PTCHD1: variants seen among roughly 807,000 people sequenced by gnomAD.
The protein encoded by PTCHD1 is patched domain-containing protein 1.
A neutral mutation model predicts 34.6 loss-of-function variants in PTCHD1; 3 were observed. The ratio of observed to expected loss-of-function variants is 0.09; its 90% CI spans 0.04 to 0.22. PTCHD1 has a LOEUF of 0.22. PTCHD1 is among the 10% of genes least tolerant of loss of function. PTCHD1 has a pLI of 1.00. For synonymous variants in PTCHD1, 305 were observed against 283.1 expected, an observed-to-expected ratio of 1.08 and a Z score of -0.77; for missense variants, 504 against 685.5, an observed-to-expected ratio of 0.74 and a Z score of 2.96.
At chrX:23,374,504 G>A (rs1480104215) in intron 1 of PTCHD1, among the ~76,000 whole-genome samples, 1 of 110,349 alleles carries the variant, frequency 9.1e-6, no homozygotes, top group African/African-American at 3.3e-5. Context: ...GGCCTGTCGT[G>A]ACCAAGCAGC....
chrX:23,355,903 A>G (rs1921789255), intron 1 of PTCHD1, among the ~76,000 whole-genome samples: 1 of 112,606 alleles, frequency 8.9e-6, no homozygotes, highest in Non-Finnish European at 1.9e-5. Flanking sequence ...AAGCGTTGCT[A>G]TACTTTCTGG....
At position 23,392,971 on chromosome X, in the gene PTCHD1, T is replaced by G. The variant is rs756610499; in HGVS notation, c.1453T>G (p.Cys485Gly). The change falls in exon 3 of 3, where the codon TGT becomes GGT. Residue 485 changes from cysteine (C) to glycine (G), a missense_variant. Coordinates refer to ENST00000379361, the MANE Select transcript of PTCHD1 (RefSeq NM_173495.3). ...CACTTACGAGAGTCACCTATTGGTA[T>G]GTTTCCTCAAACGCTATTACTGTGA... ...ANTYESHLLV[C>G]FLKRYYCDWI... The G allele has an allele frequency of 4.1e-6, 5 of 1,210,661 alleles. No homozygotes were observed. In the Admixed American group the frequency reaches 8.7e-5, roughly 21 times the overall value.
intron 1 of PTCHD1, among the ~76,000 whole-genome samples, chrX:23,342,108 A>G (rs1921325357): frequency 9.3e-6 from 1 of 107,876 alleles, no homozygotes; most frequent in Non-Finnish European, 1.9e-5. Flanking sequence ...GCTCAGTCTC[A>G]CTAGGGAACT....
In PTCHD1 at chrX:23,364,012, CA is replaced by C. The variant is rs1452583964; in HGVS notation, c.352-15578del. On this transcript the variant is annotated intron_variant, in intron 1 of 2. Transcript: ENST00000379361. ...TATTTTCACACAATGGACTACTACA[CA>C]GCAAAAATAAATAAAAATAACAGTA... Among the ~76,000 whole-genome samples the C allele has an allele frequency of 2.7e-5, 3 of 112,259 alleles. No individual in the cohort carries two copies. In the East Asian group the frequency reaches 8.4e-4, roughly 31 times the overall value.
chrX:23,392,503 C>A, intron 2 of PTCHD1, 28 bp from the exon 3 acceptor site: 1 of 992,046 alleles, frequency 1.0e-6, no homozygotes, highest in Non-Finnish European at 1.4e-6. Flanking sequence ...CTTTAAACTT[C>A]TGCTCTGGTC....
intron 1 of PTCHD1, among the ~76,000 whole-genome samples, chrX:23,369,266 G>A (rs921564583): frequency 6.3e-5 from 7 of 111,168 alleles, no homozygotes; most frequent in Admixed American, 1.9e-4. Flanking sequence ...AGTACTGGTC[G>A]GAGTTTTGTT....
intron 1 of PTCHD1, among the ~76,000 whole-genome samples, chrX:23,355,100 C>T (rs747430645): frequency 9.0e-5 from 10 of 110,694 alleles, no homozygotes; most frequent in Non-Finnish European, 1.9e-4. Flanking sequence ...TCCTACTCCC[C>T]GCCTACTGGG....
intron 1 of PTCHD1, among the ~76,000 whole-genome samples, chrX:23,355,984 A>G (rs758045141): frequency 2.6e-3 from 293 of 112,245 alleles, no homozygotes; most frequent in African/African-American, 8.6e-3. Flanking sequence ...ACTTATTTTA[A>G]CAATGATCCT....
At chrX:23,387,804 A>G (rs1339793466) in intron 2 of PTCHD1, among the ~76,000 whole-genome samples, 1 of 112,282 alleles carries the variant, frequency 8.9e-6, no homozygotes, top group Non-Finnish European at 1.9e-5. Context: ...TATGCATGTA[A>G]CAATACAGAC....
Position 23,343,454 on chromosome X carries a change from A to C in PTCHD1, c.351+8228A>C, listed in dbSNP as rs185576068. ...AAGTCCCCACACTACACATTCCCTT[A>C]TTTACTTAAAGAAAAGTCTCAAAAC... On this transcript the variant is annotated intron_variant, in intron 1 of 2. Coordinates refer to ENST00000379361, the MANE Select transcript of PTCHD1 (RefSeq NM_173495.3). Among the ~76,000 whole-genome samples, 3 of 111,785 alleles carry C rather than the reference A, an allele frequency of 2.7e-5. No individual in the cohort carries two copies. In the East Asian group the frequency reaches 8.4e-4, roughly 31 times the overall value.
rs763499572 is a variant in PTCHD1, at chrX:23,394,161, G to A, written c.2643G>A (p.Val881=). The part of the protein sequence containing the change: ...VEMVDIDSTR[V]VDQITTV The stretch of plus-strand genomic sequence containing the variant: ...TGGTAGATATCGATAGTACCCGTGT[G>A]GTTGACCAAATTACAACAGTGTGAT... Residue 881 remains valine (V), a synonymous_variant, in exon 3 of 3, where the codon GTG becomes GTA. Coordinates refer to ENST00000379361, the MANE Select transcript of PTCHD1 (RefSeq NM_173495.3). The A allele has an allele frequency of 8.3e-7, 1 of 1,201,096 alleles. No homozygotes were observed. Among genetic ancestry groups the A allele is most frequent in the Non-Finnish European group, 1.1e-6 (1 of 888,979 alleles).
At position 23,399,550 on chromosome X, in the gene PTCHD1, C is replaced by T. The variant is rs999084430; in HGVS notation, c.*5365C>T. ...TGTGATCCTGGTGTCCTCATTTTGG[C>T]TAATGAGCAATCAAGAACTTTTGAA... On this transcript the variant is annotated 3_prime_UTR_variant, in exon 3 of 3. Transcript: ENST00000379361. 8 of 112,059 alleles carry T rather than the reference C, an allele frequency of 7.1e-5. No individual in the cohort carries two copies. Among genetic ancestry groups the T allele is most frequent in the Non-Finnish European group, 1.5e-4 (8 of 53,212 alleles). The allele number at this position is 112,059 out of a possible 1,213,427, so 9.2% of individuals were successfully genotyped here. A position where few individuals can be genotyped will look rare whatever the true frequency, so the allele number is the denominator to read the frequency against.
At chrX:23,380,635 A>C (rs1922538150) in intron 2 of PTCHD1, among the ~76,000 whole-genome samples, 2 of 111,475 alleles carry the variant, frequency 1.8e-5, no homozygotes, top group African/African-American at 6.5e-5. Context: ...GGAGTGAGGA[A>C]GTGGAAGTTG....
In PTCHD1 at chrX:23,392,968, G is replaced by A. The variant is rs748727563; in HGVS notation, c.1450G>A (p.Val484Ile). ...EANTYESHLL[V>I]CFLKRYYCDW... ...GAACACTTACGAGAGTCACCTATTG[G>A]TATGTTTCCTCAAACGCTATTACTG... The change falls in exon 3 of 3, where the codon GTA (valine) becomes ATA (isoleucine). Residue 484 changes from valine to isoleucine, a missense_variant. Transcript: ENST00000379361. The A allele has an allele frequency of 8.3e-7, 1 of 1,211,854 alleles. No individual in the cohort carries two copies. Among genetic ancestry groups the A allele is most frequent in the East Asian group, 3.0e-5 (1 of 33,868 alleles).
At chrX:23,365,991 A>C (rs1415449443) in intron 1 of PTCHD1, among the ~76,000 whole-genome samples, 1 of 112,486 alleles carries the variant, frequency 8.9e-6, no homozygotes, top group Admixed American at 9.4e-5. Context: ...CAGTTGATAG[A>C]TGGCACATTA....
intron 2 of PTCHD1, among the ~76,000 whole-genome samples, chrX:23,391,326 T>C (rs1922823292): frequency 9.0e-6 from 1 of 111,083 alleles, no homozygotes. Context: ...TGACGTATTA[T>C]ATCACTGCTT....
At position 23,364,371 on chromosome X, in the gene PTCHD1, GACACACACAC is replaced by G. The variant is rs200572986; in HGVS notation, c.352-15185_352-15176del. 2.3e-3 allele frequency among the ~76,000 whole-genome samples: 208 copies of G among 91,996 alleles called. 1 individual carries two copies. Among genetic ancestry groups the G allele is most frequent in the African/African-American group, 6.3e-3 (153 of 24,427 alleles). The allele number at this position is 91,996 out of a possible 115,157, so 79.9% of individuals were successfully genotyped here. ...TCATACCTTAATTATGAAGAGTGTA[GACACACACAC>G]ACACACACACACACACACACACACA... On this transcript the variant is annotated intron_variant, in intron 1 of 2. Coordinates refer to ENST00000379361, the MANE Select transcript of PTCHD1 (RefSeq NM_173495.3).
chrX:23,358,753 T>C (rs1373097513), intron 1 of PTCHD1, among the ~76,000 whole-genome samples: 2 of 112,266 alleles, frequency 1.8e-5, no homozygotes, highest in Non-Finnish European at 3.8e-5. Flanking sequence ...ATTACCTAAG[T>C]TTTCTTCAAG....
intron 1 of PTCHD1, among the ~76,000 whole-genome samples, chrX:23,349,216 G>GT (rs746013055): frequency 1.7e-3 from 184 of 109,869 alleles, no homozygotes; most frequent in Non-Finnish European, 2.8e-3. Flanking sequence ...AAAAGAGGAG[G>GT]TAAAAAAAAC....
Sources: gnomAD v4.1 joint callset for allele counts (sites outside exome capture counted in the v4.1 genomes callset) on GRCh38, gnomAD v4.1.1 for gene constraint, MANE v1.5 for transcripts, NCBI Gene and HGNC (gene_info 2026-07-23, HGNC 2026-07-21) for gene names.